TOMM5: variants seen among roughly 807,000 people sequenced by gnomAD.
The protein encoded by TOMM5 is translocase of outer mitochondrial membrane 5.
In TOMM5, 1 loss-of-function variant was observed where a neutral mutation model predicts 4.8. That is an observed-to-expected ratio of 0.21 (90% CI 0.07 to 0.99). TOMM5 has a LOEUF of 0.99. TOMM5 is among the 50% of genes least tolerant of loss of function. The probability of loss-of-function intolerance (pLI) is 0.60; values close to 1 mark genes in which losing one functional copy is unlikely to be tolerated. For missense variants in TOMM5, 60 were observed against 66.6 expected (o/e 0.90, Z 0.35); for synonymous variants, 26 against 26.7 (o/e 0.97, Z 0.08).
At chr9:37,592,372 TC>T in intron 1 of TOMM5, 39 bp downstream of exon 1, 1 of 1,612,980 alleles carries the variant, frequency 6.2e-7, no homozygotes, top group Middle Eastern at 1.6e-4. Flanking sequence ...GTCGGTGAGC[TC>T]CCCGCTGGTC....
chr9:37,591,993 C>T (rs865922036), intron 1 of TOMM5, among the ~76,000 whole-genome samples: 2 of 152,028 alleles, frequency 1.3e-5, no homozygotes, highest in Middle Eastern at 3.2e-3. Context: ...TCTCGGCTCA[C>T]TGCAACCTCC....
rs564975341 is a variant in TOMM5, at chr9:37,588,936, A to G, written c.122-4T>C. 19 of 1,610,662 alleles carry G rather than the reference A, an allele frequency of 1.2e-5. No homozygotes were observed. The East Asian group carries it at 1.3e-4, about 11-fold the overall frequency. The stretch of plus-strand genomic sequence containing the variant: ...AATTTCTTTAAGATAAATGGAGCTG[A>G]AAGAAAAACAAATCTAAAATTAGTT... On this transcript the variant is annotated splice_polypyrimidine_tract_variant and splice_region_variant and intron_variant, in intron 1 of 1. Transcript: ENST00000321301.
chr9:37,590,471 A>T (rs937832798), intron 1 of TOMM5, among the ~76,000 whole-genome samples: 1 of 152,174 alleles, frequency 6.6e-6, no homozygotes, highest in African/African-American at 2.4e-5. Flanking sequence ...TCGTTGTGAA[A>T]GGCTGGAGAA....
In TOMM5 at chr9:37,592,399, G is replaced by C; in HGVS notation, c.121+13C>G. On this transcript the variant is annotated intron_variant, in intron 1 of 1. Coordinates refer to ENST00000321301, the MANE Select transcript of TOMM5 (RefSeq NM_001001790.3). ...CCCGCTGGTCTCACAGTCACAGCCC[G>C]GGAGACACTCACTGACTCGCAGGAG... The C allele has an allele frequency of 6.2e-7, 1 of 1,613,966 alleles. No homozygotes were observed. Among genetic ancestry groups the C allele is most frequent in the Non-Finnish European group, 8.5e-7 (1 of 1,179,952 alleles).
intron 1 of TOMM5, among the ~76,000 whole-genome samples, chr9:37,591,179 C>A (rs925202263): frequency 6.6e-6 from 1 of 152,052 alleles, no homozygotes; most frequent in East Asian, 1.9e-4. Context: ...AATCTTAGGC[C>A]CTGCCTCCCT....
chr9:37,588,535 T>G lies in TOMM5; in HGVS notation c.*363A>C, dbSNP rs1823050865. On this transcript the variant is annotated 3_prime_UTR_variant, in exon 2 of 2. Transcript: ENST00000321301. The stretch of plus-strand genomic sequence containing the variant: ...TAAGAGACTCTTCACAAATACACTC[T>G]GGGCAGAAGAAAAAGGTAAACAGAA... The G allele has an allele frequency of 2.5e-6, 1 of 399,466 alleles. No homozygotes were observed. The highest frequency in any genetic ancestry group is 2.1e-5 in the African/African-American group (1 of 48,662). The allele number at this position is 399,466 out of a possible 1,614,324, so 24.7% of individuals were successfully genotyped here. A position where few individuals can be genotyped will look rare whatever the true frequency, so the allele number is the denominator to read the frequency against.
intron 1 of TOMM5, 151 bp downstream of exon 1, chr9:37,592,261 G>A (rs1312178616): frequency 6.5e-7 from 1 of 1,548,876 alleles, no homozygotes; most frequent in South Asian, 1.2e-5. Context: ...ACCTCAAACC[G>A]CGCATATGCC....
intron 1 of TOMM5, chr9:37,592,204 C>T (rs771944406): frequency 6.6e-7 from 1 of 1,506,874 alleles, no homozygotes; most frequent in Non-Finnish European, 8.9e-7. Context: ...ATTAAACACG[C>T]GCGCCGGCCA....
Position 37,588,838 on chromosome 9 carries a change from G to C in TOMM5, c.*60C>G. On this transcript the variant is annotated 3_prime_UTR_variant, in exon 2 of 2. Transcript: ENST00000321301. ...CTTTCTGGGCCTATTCACTTGCAGA[G>C]AGGAGTCGAAACTGTAACCAGGCTC... The C allele has an allele frequency of 6.6e-7, 1 of 1,522,224 alleles. No individual in the cohort carries two copies. Among genetic ancestry groups the C allele is most frequent in the Non-Finnish European group, 9.1e-7 (1 of 1,096,338 alleles). The allele number at this position is 1,522,224 out of a possible 1,614,324, so 94.3% of individuals were successfully genotyped here.
At chr9:37,591,830 C>A (rs897093025) in intron 1 of TOMM5, among the ~76,000 whole-genome samples, 1 of 152,136 alleles carries the variant, frequency 6.6e-6, no homozygotes, top group Non-Finnish European at 1.5e-5. Flanking sequence ...CTGTTTCTTC[C>A]TTCTAGAACT....
chr9:37,592,328 G>A (rs1383155752), intron 1 of TOMM5, 84 bp downstream of exon 1: 1 of 1,599,964 alleles, frequency 6.3e-7, no homozygotes, highest in South Asian at 1.1e-5. Context: ...TCAGTTCGAA[G>A]GCCCCGATGA....
intron 1 of TOMM5, among the ~76,000 whole-genome samples, chr9:37,590,176 C>G (rs895952071): frequency 6.6e-6 from 1 of 152,038 alleles, no homozygotes; most frequent in Non-Finnish European, 1.5e-5. Flanking sequence ...AAGGATTGAT[C>G]GAGCCCAATA....
intron 1 of TOMM5, 150 bp from the exon 2 acceptor site, chr9:37,589,082 T>C: frequency 3.1e-6 from 2 of 653,090 alleles, no homozygotes; most frequent in South Asian, 2.0e-5. Context: ...AAGGGACTAG[T>C]TGCCTTCCAA....
chr9:37,590,787 C>CG (rs1171316025), intron 1 of TOMM5, among the ~76,000 whole-genome samples: 3 of 152,050 alleles, frequency 2.0e-5, no homozygotes, highest in African/African-American at 7.2e-5. Flanking sequence ...TAGGATGATA[C>CG]GGGTGTTTCT....
intron 1 of TOMM5, among the ~76,000 whole-genome samples, chr9:37,589,496 G>A (rs1341944018): frequency 1.3e-5 from 2 of 152,148 alleles, no homozygotes; most frequent in Admixed American, 6.6e-5. Context: ...AAAACTAAGT[G>A]TCGACATATA....
Position 37,588,788 on chromosome 9 carries a change from T to G in TOMM5, c.*110A>C, listed in dbSNP as rs776030463. 9.2e-6 allele frequency: 10 copies of G among 1,082,172 alleles called. No individual in the cohort carries two copies. The highest frequency in any genetic ancestry group is 1.3e-5 in the Non-Finnish European group (9 of 699,406). The allele number at this position is 1,082,172 out of a possible 1,614,324, so 67.0% of individuals were successfully genotyped here. ...CTTGTTCTTAACAAGCAGAATTTTA[T>G]GTCCATTCAAAGAGTCTCTTACACC... On this transcript the variant is annotated 3_prime_UTR_variant, in exon 2 of 2. Transcript: ENST00000321301.
chr9:37,591,562 C>A (rs1005464076), intron 1 of TOMM5, among the ~76,000 whole-genome samples: 1 of 151,832 alleles, frequency 6.6e-6, no homozygotes. Flanking sequence ...CGTGGTGGCG[C>A]GCGCCTGTAA....
rs911385165 is a variant in TOMM5, at chr9:37,588,483, G to A, written c.*415C>T. 3.3e-6 allele frequency: 1 copy of A among 299,198 alleles called. No homozygotes were observed. The highest frequency in any genetic ancestry group is 2.2e-5 in the African/African-American group (1 of 45,762). 18.5% of individuals were successfully genotyped at this position (299,198 alleles called of 1,614,324 possible). ...CCTGTGCTTAAATGTCATTGTGGTT[G>A]TGTGCTGATTTCCACAAAACATAAT... On this transcript the variant is annotated 3_prime_UTR_variant, in exon 2 of 2. Transcript: ENST00000321301.
At chr9:37,592,234 C>G in intron 1 of TOMM5, 178 bp downstream of exon 1, 3 of 1,538,150 alleles carry the variant, frequency 2.0e-6, no homozygotes, top group Non-Finnish European at 2.6e-6. Context: ...CTTCAGTGCC[C>G]GGACCCTGAC....
Sources: allele counts gnomAD v4.1 joint callset (sites outside exome capture counted in the v4.1 genomes callset), GRCh38; gene constraint gnomAD v4.1.1; transcripts MANE v1.5; gene names NCBI Gene and HGNC (gene_info 2026-07-23, HGNC 2026-07-21).